The following BLVRA variants were observed in gnomAD, a reference collection of about 807,000 sequenced individuals.
BLVRA encodes the protein biliverdin reductase A.
BLVRA carries 22 observed loss-of-function variants against 32.8 expected under a neutral mutation model. The ratio of observed to expected loss-of-function variants is 0.67; its 90% CI spans 0.48 to 0.96. The LOEUF (loss-of-function observed/expected upper bound fraction) is 0.96. Ranked by LOEUF, BLVRA falls within the 40% of genes least tolerant of loss-of-function variation. The pLI is 0.00. For missense variants in BLVRA, 323 were observed against 358.1 expected (o/e 0.90, Z 0.79); for synonymous variants, 119 against 141.3 (o/e 0.84, Z 1.12).
chr7:43,776,539 T>C (rs1056677717), intron 2 of BLVRA, among the ~76,000 whole-genome samples: 5 of 152,246 alleles, frequency 3.3e-5, no homozygotes, highest in African/African-American at 1.2e-4. Context: ...TTTTACATCT[T>C]CTGAGGAGTG....
At chr7:43,776,119 G>C (rs1473807366) in intron 2 of BLVRA, among the ~76,000 whole-genome samples, 1 of 152,014 alleles carries the variant, frequency 6.6e-6, no homozygotes, top group African/African-American at 2.4e-5. Flanking sequence ...TTTTTTGAAG[G>C]GTTTTTTGTG....
At chr7:43,806,748 AG>A (rs2095804434) in intron 7 of BLVRA, among the ~76,000 whole-genome samples, 2 of 151,954 alleles carry the variant, frequency 1.3e-5, no homozygotes, top group Admixed American at 1.3e-4. Context: ...GCTCCATCCC[AG>A]AAAAAAAAAA....
chr7:43,768,412 G>A (rs2095750591), intron 1 of BLVRA, among the ~76,000 whole-genome samples: 1 of 152,218 alleles, frequency 6.6e-6, no homozygotes. Flanking sequence ...CACAGCCTGG[G>A]TTTGAGTCTA....
rs1485181834 is a variant in BLVRA, at chr7:43,800,469, AGT to A, written c.358_359del (p.Val120LeufsTer7). 6.2e-7 allele frequency: 1 copy of A among 1,614,058 alleles called. No individual in the cohort carries two copies. Among genetic ancestry groups the A allele is most frequent in the Admixed American group, 1.7e-5 (1 of 60,018 alleles). On this transcript the variant is annotated frameshift_variant, in exon 6 of 8. Transcript: ENST00000265523. LOFTEE classifies it high-confidence loss of function. ...ATTCCATTTTTGTCGTTACAGGAAA[AGT>A]CTTGCACGAGGAGCATGTTGAACTC... ...LWELAEQKGKVLHEEHVELLM... is the reference protein window; with the variant it reads ...LWELAEQKGKXLHEEHVELLM...
chr7:43,794,994 T>C (rs972683350), intron 5 of BLVRA, among the ~76,000 whole-genome samples: 3 of 151,962 alleles, frequency 2.0e-5, no homozygotes, highest in Non-Finnish European at 4.4e-5. Context: ...GTGGATCACC[T>C]GAAGTCAGGA....
chr7:43,785,344 A>AG (rs1424745536), intron 2 of BLVRA, among the ~76,000 whole-genome samples: 4 of 151,720 alleles, frequency 2.6e-5, no homozygotes, highest in African/African-American at 9.7e-5. Flanking sequence ...AAAAAAAAAA[A>AG]AAAGAAAAGA....
intron 2 of BLVRA, among the ~76,000 whole-genome samples, chr7:43,776,029 C>G (rs2095760483): frequency 1.3e-5 from 2 of 152,154 alleles, no homozygotes; most frequent in Admixed American, 1.3e-4. Context: ...ATTCTTCTCT[C>G]TTTTCTTATT....
At chr7:43,760,174 C>G (rs1274928238) in intron 1 of BLVRA, 1 of 151,926 alleles carries the variant, frequency 6.6e-6, no homozygotes, top group Non-Finnish European at 1.5e-5. Context: ...TGAGTCACCG[C>G]GCCCGGCCGA....
At chr7:43,772,936 C>A (rs1218985294) in intron 2 of BLVRA, among the ~76,000 whole-genome samples, 6 of 152,092 alleles carry the variant, frequency 3.9e-5, no homozygotes. Context: ...TGACGGTATA[C>A]CCTTCTCCTC....
At chr7:43,790,480 T>C (rs960741742) in intron 3 of BLVRA, among the ~76,000 whole-genome samples, 10 of 151,978 alleles carry the variant, frequency 6.6e-5, no homozygotes, top group Admixed American at 3.3e-4. Context: ...CAAACATGTG[T>C]GCGTACATAC....
At chr7:43,768,299 G>A (rs1436218681) in intron 1 of BLVRA, among the ~76,000 whole-genome samples, 1 of 152,172 alleles carries the variant, frequency 6.6e-6, no homozygotes, top group Non-Finnish European at 1.5e-5. Flanking sequence ...GACCGTCGTT[G>A]TTGCTTGGGT....
chr7:43,776,712 T>C (rs867660651), intron 2 of BLVRA, among the ~76,000 whole-genome samples: 41 of 152,340 alleles, frequency 2.7e-4, no homozygotes, highest in African/African-American at 9.4e-4. Context: ...ACTTTCTGTC[T>C]CGTTGATTTG....
At chr7:43,778,817 C>T (rs1222712149) in intron 2 of BLVRA, among the ~76,000 whole-genome samples, 1 of 152,264 alleles carries the variant, frequency 6.6e-6, no homozygotes, top group African/African-American at 2.4e-5. Flanking sequence ...CCAGTTCGAG[C>T]TTCCCGGCTG....
rs951807090 is a variant in BLVRA, at chr7:43,792,716, C to A, written c.256C>A (p.Gln86Lys). 1.4e-5 allele frequency: 22 copies of A among 1,613,772 alleles called. No homozygotes were observed. The highest frequency in any genetic ancestry group is 1.8e-5 in the Non-Finnish European group (21 of 1,179,802). The change falls in exon 5 of 8, where the codon CAG becomes AAG. Residue 86 changes from glutamine (Q) to lysine (K), a missense_variant and splice_region_variant. Coordinates refer to ENST00000265523, the MANE Select transcript of BLVRA (RefSeq NM_000712.4). ...CTGTATTTGTCTCGTTTACCAAAGG[C>A]AGTTCCTTAATGCTGGCAAGCACGT... Reference protein sequence around the residue: ...ESSSHEDYIRQFLNAGKHVLV... With the variant: ...ESSSHEDYIRKFLNAGKHVLV...
intron 4 of BLVRA, 22 bp from the exon 5 acceptor site, chr7:43,792,693 G>A (rs779029891): frequency 1.9e-5 from 30 of 1,598,390 alleles, no homozygotes; most frequent in Middle Eastern, 1.6e-4. Context: ...TTCTTTCTCT[G>A]TATTTGTCTC....
intron 1 of BLVRA, among the ~76,000 whole-genome samples, chr7:43,762,637 A>C (rs982929765): frequency 8.9e-6 from 1 of 111,956 alleles, no homozygotes; most frequent in African/African-American, 3.6e-5. Context: ...TTTAAGATGG[A>C]GTCTTGCTCT....
At chr7:43,782,939 G>A (rs1308701793) in intron 2 of BLVRA, among the ~76,000 whole-genome samples, 1 of 151,948 alleles carries the variant, frequency 6.6e-6, no homozygotes, top group Non-Finnish European at 1.5e-5. Context: ...ATTGCAGCAG[G>A]GCCAGGAGGG....
intron 1 of BLVRA, among the ~76,000 whole-genome samples, chr7:43,763,928 A>G (rs956289031): frequency 3.9e-5 from 6 of 152,238 alleles, no homozygotes; most frequent in African/African-American, 1.4e-4. Context: ...AAAGGAAAAC[A>G]AAACAGTGAA....
intron 2 of BLVRA, among the ~76,000 whole-genome samples, chr7:43,772,554 G>A (rs917271810): frequency 6.6e-6 from 1 of 152,214 alleles, no homozygotes; most frequent in African/African-American, 2.4e-5. Context: ...GACATTCCTG[G>A]TCCATTTTCA....
Sources: gnomAD v4.1 joint callset for allele counts (sites outside exome capture counted in the v4.1 genomes callset) on GRCh38, gnomAD v4.1.1 for gene constraint, MANE v1.5 for transcripts, NCBI Gene and HGNC (gene_info 2026-07-23, HGNC 2026-07-21) for gene names.